LRRC3B: variants seen among roughly 807,000 people sequenced by gnomAD.
LRRC3B encodes leucine rich repeat containing 3B.
In LRRC3B, 2 loss-of-function variants were observed where a neutral mutation model predicts 12.8. That is an observed-to-expected ratio of 0.16 (90% CI 0.06 to 0.49). The LOEUF (loss-of-function observed/expected upper bound fraction) is 0.49, where lower values mean the gene tolerates loss of function less well. Ranked by LOEUF, LRRC3B falls within the 20% of genes least tolerant of loss-of-function variation. The pLI, the probability that LRRC3B is intolerant of heterozygous loss-of-function variation, is 0.96. For synonymous variants in LRRC3B, 132 were observed against 122.0 expected (o/e 1.08, Z -0.54); for missense variants, 189 against 319.4 (o/e 0.59, Z 3.11).
intron 1 of LRRC3B, among the ~76,000 whole-genome samples, chr3:26,678,882 C>T (rs1408303119): frequency 1.3e-5 from 2 of 152,110 alleles, no homozygotes; most frequent in Admixed American, 6.5e-5. Flanking sequence ...TACCTTTTCT[C>T]TTTCTCATTT....
intron 1 of LRRC3B, among the ~76,000 whole-genome samples, chr3:26,641,053 T>G (rs1699020685): frequency 6.6e-6 from 1 of 152,158 alleles, no homozygotes; most frequent in Non-Finnish European, 1.5e-5. Context: ...GCACAAAAAG[T>G]CACTTAGTAG....
At chr3:26,648,152 G>T (rs1237410960) in intron 1 of LRRC3B, among the ~76,000 whole-genome samples, 1 of 151,886 alleles carries the variant, frequency 6.6e-6, no homozygotes, top group East Asian at 1.9e-4. Flanking sequence ...ACATTTTCAG[G>T]CTTCAACCAA....
At chr3:26,635,816 G>C (rs552810840) in intron 1 of LRRC3B, among the ~76,000 whole-genome samples, 3 of 152,232 alleles carry the variant, frequency 2.0e-5, no homozygotes, top group East Asian at 1.9e-4. Context: ...CTCAGTAACT[G>C]TCTGTTTAAT....
intron 1 of LRRC3B, among the ~76,000 whole-genome samples, chr3:26,706,865 A>C (rs1700602612): frequency 6.6e-6 from 1 of 152,220 alleles, no homozygotes; most frequent in African/African-American, 2.4e-5. Context: ...TTTATGTTTA[A>C]AATATTTATA....
chr3:26,710,344 T>C (rs769728382), exon 2 of LRRC3B: 4 of 1,614,094 alleles, frequency 2.5e-6, no homozygotes, highest in South Asian at 1.1e-5. Flanking sequence ...TGGTATATTA[T>C]GTGAGGCAAA....
chr3:26,662,075 C>T (rs1699502664), intron 1 of LRRC3B, among the ~76,000 whole-genome samples: 1 of 152,174 alleles, frequency 6.6e-6, no homozygotes, highest in South Asian at 2.1e-4. Context: ...GTTCCAAAAA[C>T]CAGTCATACC....
intron 1 of LRRC3B, among the ~76,000 whole-genome samples, chr3:26,674,401 C>T (rs1699815501): frequency 6.6e-6 from 1 of 152,122 alleles, no homozygotes; most frequent in South Asian, 2.1e-4. Context: ...TTAGCCAGAT[C>T]AAAATAAAGT....
intron 1 of LRRC3B, among the ~76,000 whole-genome samples, chr3:26,630,503 G>T (rs909876982): frequency 6.6e-6 from 1 of 152,198 alleles, no homozygotes; most frequent in African/African-American, 2.4e-5. Context: ...ACAAGATCTT[G>T]TAGTGGGACT....
chr3:26,655,780 C>A (rs6808615), intron 1 of LRRC3B, among the ~76,000 whole-genome samples: 61,549 of 151,892 alleles, frequency 0.41, 13,022 homozygotes, highest in Middle Eastern at 0.49. Context: ...TTAATAATGT[C>A]TACTGGTTAC....
chr3:26,690,691 G>A (rs1488901593), intron 1 of LRRC3B, among the ~76,000 whole-genome samples: 2 of 151,854 alleles, frequency 1.3e-5, no homozygotes, highest in Non-Finnish European at 2.9e-5. Flanking sequence ...GTTCTTGGGG[G>A]TTTCCTTACT....
intron 1 of LRRC3B, among the ~76,000 whole-genome samples, chr3:26,637,026 TCTAA>T (rs1414338102): frequency 1.4e-5 from 2 of 147,988 alleles, no homozygotes; most frequent in South Asian, 2.2e-4. Context: ...TGAGACGGAG[TCTAA>T]CTGTCACCCA....
intron 1 of LRRC3B, among the ~76,000 whole-genome samples, chr3:26,685,547 A>C (rs1454528116): frequency 1.5e-5 from 2 of 133,942 alleles, no homozygotes; most frequent in South Asian, 4.7e-4. Context: ...ATATATATAT[A>C]TATATATATA....
chr3:26,665,145 A>G (rs538417471), intron 1 of LRRC3B, among the ~76,000 whole-genome samples: 1 of 151,866 alleles, frequency 6.6e-6, no homozygotes, highest in South Asian at 2.1e-4. Context: ...AATCTAAGGG[A>G]ATGTGGGCAG....
intron 1 of LRRC3B, among the ~76,000 whole-genome samples, chr3:26,691,091 A>G (rs375043656): frequency 0.06 from 6,448 of 107,124 alleles, 291 homozygotes; most frequent in Non-Finnish European, 0.084. Flanking sequence ...GTGTGTGTAT[A>G]TGTGTGTGTG....
chr3:26,709,560 C>T, exon 2 of LRRC3B: 1 of 1,033,584 alleles, frequency 9.7e-7, no homozygotes, highest in Non-Finnish European at 1.4e-6. Flanking sequence ...GTGTTAGCTG[C>T]AGCCTTTTGA....
intron 1 of LRRC3B, among the ~76,000 whole-genome samples, chr3:26,635,631 AT>A (rs1278259572): frequency 6.6e-6 from 1 of 152,250 alleles, no homozygotes; most frequent in Non-Finnish European, 1.5e-5. Context: ...TGAGAAATGA[AT>A]TCCTGTTGTT....
intron 1 of LRRC3B, among the ~76,000 whole-genome samples, chr3:26,630,807 T>G (rs1201649687): frequency 1.3e-5 from 2 of 152,198 alleles, no homozygotes; most frequent in African/African-American, 4.8e-5. Context: ...CCCCAAGAAC[T>G]GCAGACAATG....
At chr3:26,695,575 A>AACAG (rs1375600570) in intron 1 of LRRC3B, among the ~76,000 whole-genome samples, 1 of 152,130 alleles carries the variant, frequency 6.6e-6, no homozygotes, top group Non-Finnish European at 1.5e-5. Context: ...TTTTTGCTGT[A>AACAG]ACAGACAGTT....
chr3:26,698,263 G>A (rs555645632), intron 1 of LRRC3B, among the ~76,000 whole-genome samples: 3 of 152,156 alleles, frequency 2.0e-5, no homozygotes, highest in Non-Finnish European at 4.4e-5. Flanking sequence ...TTGTGAGGTG[G>A]AACTTTTATT....
Sources: allele counts gnomAD v4.1 joint callset (sites outside exome capture counted in the v4.1 genomes callset), GRCh38; gene constraint gnomAD v4.1.1; transcripts MANE v1.5; gene names NCBI Gene and HGNC (gene_info 2026-07-23, HGNC 2026-07-21).